DCC: variants seen among roughly 807,000 people sequenced by gnomAD.
DCC encodes netrin receptor DCC.
In DCC, 58 loss-of-function variants were observed where a neutral mutation model predicts 172.5. The ratio of observed to expected loss-of-function variants is 0.34; its 90% CI spans 0.27 to 0.42. The LOEUF is 0.42. Ranked by LOEUF, DCC falls within the 10% of genes least tolerant of loss-of-function variation. The pLI is 1.00. For synonymous variants in DCC, 709 were observed against 644.5 expected, an observed-to-expected ratio of 1.10 and a Z score of -1.52; for missense variants, 1,740 against 1,791.0, an observed-to-expected ratio of 0.97 and a Z score of 0.51.
intron 25 of DCC, among the ~76,000 whole-genome samples, chr18:53,482,449 T>C (rs1389863634): frequency 1.3e-5 from 2 of 152,116 alleles, no homozygotes; most frequent in Non-Finnish European, 2.9e-5. Context: ...GACTTGGAAC[T>C]GCAGTGTAAG....
At chr18:52,863,882 C>T (rs1219148364) in intron 2 of DCC, among the ~76,000 whole-genome samples, 1 of 152,004 alleles carries the variant, frequency 6.6e-6, no homozygotes, top group East Asian at 1.9e-4. Context: ...TAGAAACATA[C>T]ATATTTCATT....
At chr18:53,500,533 A>G (rs2046084064) in intron 27 of DCC, among the ~76,000 whole-genome samples, 1 of 151,966 alleles carries the variant, frequency 6.6e-6, no homozygotes, top group Non-Finnish European at 1.5e-5. Flanking sequence ...TAATGACTGT[A>G]AAAGCTAGAA....
intron 9 of DCC, among the ~76,000 whole-genome samples, chr18:53,200,203 T>C (rs8085132): frequency 0.091 from 13,779 of 152,204 alleles, 797 homozygotes; most frequent in African/African-American, 0.15. Context: ...TTAAGCTACG[T>C]AGATATAAAG....
At chr18:52,873,734 G>C (rs529470391) in intron 2 of DCC, among the ~76,000 whole-genome samples, 2 of 152,278 alleles carry the variant, frequency 1.3e-5, no homozygotes, top group East Asian at 3.9e-4. Context: ...AACACAGAAG[G>C]TGGCATAAGT....
chr18:53,386,000 T>C, intron 15 of DCC, 43 bp from the exon 16 acceptor site: 2 of 1,276,400 alleles, frequency 1.6e-6, no homozygotes, highest in Non-Finnish European at 2.3e-6. Context: ...TTTGATACAT[T>C]AAATATATCA....
At chr18:53,418,565 G>GA (rs1455302600) in intron 21 of DCC, among the ~76,000 whole-genome samples, 28 of 152,138 alleles carry the variant, frequency 1.8e-4, no homozygotes, top group African/African-American at 4.8e-5. Flanking sequence ...TTCCCTCAGA[G>GA]AAAAAAATGT....
At chr18:53,280,444 T>G (rs2056857656) in intron 12 of DCC, among the ~76,000 whole-genome samples, 1 of 152,190 alleles carries the variant, frequency 6.6e-6, no homozygotes, top group African/African-American at 2.4e-5. Context: ...ATCTCCAATC[T>G]TGTTCCTAAT....
At chr18:52,376,331 G>A (rs1423646130) in intron 1 of DCC, among the ~76,000 whole-genome samples, 1 of 152,206 alleles carries the variant, frequency 6.6e-6, no homozygotes, top group East Asian at 1.9e-4. Context: ...GACTCATGAA[G>A]AATGTTCAAC....
At chr18:53,114,181 A>G (rs924051829) in intron 7 of DCC, among the ~76,000 whole-genome samples, 2 of 151,554 alleles carry the variant, frequency 1.3e-5, no homozygotes, top group African/African-American at 4.8e-5. Context: ...GTCATTTATA[A>G]TACCAGTTAG....
At chr18:52,528,295 T>C (rs531162974) in intron 1 of DCC, among the ~76,000 whole-genome samples, 1 of 152,352 alleles carries the variant, frequency 6.6e-6, no homozygotes, top group South Asian at 2.1e-4. Context: ...TGTGCATATA[T>C]ATATTCCAAG....
chr18:52,506,523 G>C (rs540962958), intron 1 of DCC, among the ~76,000 whole-genome samples: 1 of 152,124 alleles, frequency 6.6e-6, no homozygotes, highest in Non-Finnish European at 1.5e-5. Flanking sequence ...GGTTGTATGT[G>C]CTCAGGACAA....
At chr18:52,655,815 C>G (rs1225068907) in intron 1 of DCC, among the ~76,000 whole-genome samples, 1 of 151,796 alleles carries the variant, frequency 6.6e-6, no homozygotes, top group Non-Finnish European at 1.5e-5. Flanking sequence ...CAAATTTCTT[C>G]AAGAGGTTAC....
chr18:52,895,062 A>T (rs2039708377), intron 2 of DCC, among the ~76,000 whole-genome samples: 1 of 152,190 alleles, frequency 6.6e-6, no homozygotes, highest in Non-Finnish European at 1.5e-5. Flanking sequence ...GTAGGGGTGC[A>T]TGGAAGAAGA....
At chr18:53,101,006 C>T (rs560315065) in intron 7 of DCC, among the ~76,000 whole-genome samples, 16 of 152,224 alleles carry the variant, frequency 1.1e-4, no homozygotes, top group African/African-American at 3.9e-4. Flanking sequence ...TCCTGTAGCA[C>T]CTTCACCTTC....
chr18:53,424,117 T>G (rs1599132794), intron 21 of DCC, among the ~76,000 whole-genome samples: 1 of 152,196 alleles, frequency 6.6e-6, no homozygotes, highest in Non-Finnish European at 1.5e-5. Context: ...GTAGTTACAT[T>G]TGTAGATGGC....
intron 5 of DCC, among the ~76,000 whole-genome samples, chr18:52,963,401 A>G (rs1265569784): frequency 1.3e-5 from 2 of 152,148 alleles, no homozygotes; most frequent in Admixed American, 1.3e-4. Context: ...AAGTGAGCAC[A>G]TATTTCCTTA....
intron 22 of DCC, among the ~76,000 whole-genome samples, chr18:53,445,652 T>C (rs1912550699): frequency 6.6e-6 from 1 of 152,210 alleles, no homozygotes; most frequent in Non-Finnish European, 1.5e-5. Flanking sequence ...TATAAAATTT[T>C]TATAAAAACA....
At position 52,360,873 on chromosome 18, in the gene DCC, T is replaced by C. The variant is rs1984589026; in HGVS notation, c.91+19995T>C. Among the ~76,000 whole-genome samples, 3 of 152,346 alleles carry C rather than the reference T, an allele frequency of 2.0e-5. No homozygotes were observed. The South Asian group carries it at 6.2e-4, about 32-fold the overall frequency. ...CAGAAAGGAAAGGGCCAGTTTGGGA[T>C]TGCTAGTAAGAATGCATTGTTTTTA... On this transcript the variant is annotated intron_variant, in intron 1 of 28. Transcript: ENST00000442544.
At chr18:53,525,107 C>G (rs1232231517) in intron 27 of DCC, among the ~76,000 whole-genome samples, 2 of 152,010 alleles carry the variant, frequency 1.3e-5, no homozygotes, top group Non-Finnish European at 2.9e-5. Context: ...AATACATAAT[C>G]TCATTTAATC....
Sources: gnomAD v4.1 joint callset for allele counts (sites outside exome capture counted in the v4.1 genomes callset) on GRCh38, gnomAD v4.1.1 for gene constraint, MANE v1.5 for transcripts, NCBI Gene and HGNC (gene_info 2026-07-23, HGNC 2026-07-21) for gene names.